Variants in TFDP2 observed in about 807,000 individuals in gnomAD.
TFDP2 encodes the protein transcription factor Dp-2.
TFDP2 carries 17 observed loss-of-function variants against 59.3 expected under a neutral mutation model. That is an observed-to-expected ratio of 0.29 (90% CI 0.20 to 0.43). TFDP2 has a LOEUF of 0.43. TFDP2 is among the 20% of genes least tolerant of loss of function. The pLI is 1.00. For missense variants in TFDP2, 391 were observed against 528.8 expected (o/e 0.74, Z 2.56); for synonymous variants, 180 against 194.7 (o/e 0.92, Z 0.63).
intron 3 of TFDP2, among the ~76,000 whole-genome samples, chr3:142,017,051 C>T (rs1324127532): frequency 6.6e-6 from 1 of 152,170 alleles, no homozygotes; most frequent in Non-Finnish European, 1.5e-5. Context: ...TAATCCTCCC[C>T]CAGATATCCT....
At chr3:142,074,094 G>C (rs536113650) in intron 3 of TFDP2, among the ~76,000 whole-genome samples, 5 of 152,286 alleles carry the variant, frequency 3.3e-5, no homozygotes, top group South Asian at 4.1e-4. Flanking sequence ...ACAGACACAG[G>C]CTGATGGAAT....
intron 3 of TFDP2, among the ~76,000 whole-genome samples, chr3:142,091,508 G>A (rs570070894): frequency 1.5e-4 from 23 of 152,028 alleles, no homozygotes; most frequent in African/African-American, 5.6e-4. Context: ...GGAGGTTGCA[G>A]TGAGCCAAGA....
chr3:141,982,255 T>C (rs181508616), intron 6 of TFDP2, among the ~76,000 whole-genome samples: 31 of 152,372 alleles, frequency 2.0e-4, no homozygotes, highest in African/African-American at 7.5e-4. Flanking sequence ...TTCAGATATT[T>C]ATTTTCTTTT....
intron 7 of TFDP2, among the ~76,000 whole-genome samples, chr3:141,977,442 T>C (rs1025870350): frequency 6.6e-6 from 1 of 151,580 alleles, no homozygotes; most frequent in Non-Finnish European, 1.5e-5. Context: ...TAAATTTTTT[T>C]TCTGTAGAGG....
chr3:142,009,337 G>T (rs965390900), intron 3 of TFDP2, among the ~76,000 whole-genome samples: 2 of 152,198 alleles, frequency 1.3e-5, no homozygotes, highest in East Asian at 1.9e-4. Flanking sequence ...CAGGTCCTTT[G>T]TTTATTTTGC....
chr3:142,026,419 GAT>G (rs1560057021), intron 3 of TFDP2, among the ~76,000 whole-genome samples: 1 of 152,090 alleles, frequency 6.6e-6, no homozygotes, highest in Admixed American at 6.6e-5. Context: ...CTTGAATGTT[GAT>G]ATCTTTTCCA....
At chr3:142,006,406 A>G (rs1944212043) in intron 3 of TFDP2, among the ~76,000 whole-genome samples, 1 of 151,936 alleles carries the variant, frequency 6.6e-6, no homozygotes, top group Non-Finnish European at 1.5e-5. Context: ...TTTCCTTCTT[A>G]GTTGCCTTCC....
chr3:142,088,244 T>A (rs899881435), intron 3 of TFDP2, among the ~76,000 whole-genome samples: 1 of 152,230 alleles, frequency 6.6e-6, no homozygotes, highest in African/African-American at 2.4e-5. Context: ...TCTTTATATG[T>A]GTCTCACATC....
chr3:142,045,521 G>T (rs188906341), intron 3 of TFDP2, among the ~76,000 whole-genome samples: 1 of 151,358 alleles, frequency 6.6e-6, no homozygotes, highest in Non-Finnish European at 1.5e-5. Flanking sequence ...TCAATTATTT[G>T]AAAGTTGAGA....
In TFDP2 at chr3:142,075,759, A is replaced by T. The variant is rs970650514; in HGVS notation, c.82+17302T>A. Among the ~76,000 whole-genome samples the T allele has an allele frequency of 6.1e-5, 9 of 148,198 alleles. No individual in the cohort carries two copies. The South Asian group carries it at 1.7e-3, about 28-fold the overall frequency. On this transcript the variant is annotated intron_variant, in intron 3 of 12. Transcript: ENST00000489671. ...GAAAAAAAAAAAAAAAAAAAAAAAAATAGCCAGTGTGGTGGTGCATATCTG... is the reference window on the plus strand; with the variant it reads ...GAAAAAAAAAAAAAAAAAAAAAAAATTAGCCAGTGTGGTGGTGCATATCTG...
At chr3:141,998,947 T>TA (rs1246809339) in intron 4 of TFDP2, among the ~76,000 whole-genome samples, 2 of 152,218 alleles carry the variant, frequency 1.3e-5, no homozygotes, top group East Asian at 3.8e-4. Context: ...AGTGGTATAT[T>TA]AAGAGATTTC....
chr3:142,111,434 A>T, intron 1 of TFDP2, among the ~76,000 whole-genome samples: 1 of 151,644 alleles, frequency 6.6e-6, no homozygotes, highest in East Asian at 1.9e-4. Context: ...TCTCAAAAAA[A>T]AAAAAAAAAA....
At chr3:142,073,917 C>G (rs182668088) in intron 3 of TFDP2, among the ~76,000 whole-genome samples, 2 of 152,194 alleles carry the variant, frequency 1.3e-5, no homozygotes, top group Admixed American at 1.3e-4. Flanking sequence ...TGTTAAGTGT[C>G]TTTTTTCAGA....
chr3:142,052,597 T>C (rs1429855631), intron 3 of TFDP2, among the ~76,000 whole-genome samples: 1 of 152,018 alleles, frequency 6.6e-6, no homozygotes, highest in Non-Finnish European at 1.5e-5. Context: ...ATTTCTTTTC[T>C]TTCCTCTTTT....
chr3:142,118,336 A>C (rs1489506859), intron 1 of TFDP2, among the ~76,000 whole-genome samples: 1 of 152,236 alleles, frequency 6.6e-6, no homozygotes, highest in Non-Finnish European at 1.5e-5. Flanking sequence ...AATGTACTGC[A>C]AAGTCAGAAA....
chr3:142,123,697 A>G (rs2062133889), intron 1 of TFDP2, among the ~76,000 whole-genome samples: 4 of 152,224 alleles, frequency 2.6e-5, no homozygotes, highest in African/African-American at 7.2e-5. Flanking sequence ...ATCTATGGAT[A>G]TATTTTTCAT....
At chr3:141,995,969 T>C (rs1943241662) in intron 4 of TFDP2, among the ~76,000 whole-genome samples, 1 of 151,308 alleles carries the variant, frequency 6.6e-6, no homozygotes, top group Admixed American at 6.6e-5. Flanking sequence ...CATTCTACCA[T>C]GTGGATTTAT....
At chr3:142,080,200 AG>A (rs1403360374) in intron 3 of TFDP2, among the ~76,000 whole-genome samples, 4 of 152,138 alleles carry the variant, frequency 2.6e-5, no homozygotes, top group African/African-American at 9.7e-5. Flanking sequence ...CTTGAACTCA[AG>A]TGATCTGCCC....
chr3:141,961,481 G>A (rs961360593), intron 10 of TFDP2, among the ~76,000 whole-genome samples: 2 of 151,644 alleles, frequency 1.3e-5, no homozygotes, highest in African/African-American at 4.8e-5. Flanking sequence ...CTGACCTTAT[G>A]ATCCACCCAC....
Sources: allele counts gnomAD v4.1 joint callset (sites outside exome capture counted in the v4.1 genomes callset), GRCh38; gene constraint gnomAD v4.1.1; transcripts MANE v1.5; gene names NCBI Gene and HGNC (gene_info 2026-07-23, HGNC 2026-07-21).